Variants in AGPAT3 observed in about 807,000 individuals in gnomAD.
The protein encoded by AGPAT3 is 1-acylglycerol-3-phosphate O-acyltransferase 3.
A neutral mutation model predicts 47.3 loss-of-function variants in AGPAT3; 5 were observed. The observed-to-expected ratio is 0.11, with a 90% CI of 0.06 to 0.22. The LOEUF (loss-of-function observed/expected upper bound fraction) is 0.22, where lower values mean the gene tolerates loss of function less well. Among genes scored for constraint, AGPAT3 ranks in the 10% least tolerant of loss-of-function variants. AGPAT3 has a pLI of 1.00. For synonymous variants in AGPAT3, 212 were observed against 208.3 expected, an observed-to-expected ratio of 1.02 and a Z score of -0.15; for missense variants, 315 against 493.0, an observed-to-expected ratio of 0.64 and a Z score of 3.42.
chr21:43,922,201 T>C lies in AGPAT3; in HGVS notation c.-49+18182T>C, dbSNP rs963903967. Among the ~76,000 whole-genome samples the C allele has an allele frequency of 3.3e-5, 5 of 151,942 alleles. No homozygotes were observed. Among genetic ancestry groups the C allele is most frequent in the Admixed American group, 3.3e-4 (5 of 15,256 alleles). On this transcript the variant is annotated intron_variant, in intron 2 of 9. Transcript: ENST00000291572. The surrounding 1 kb of genome is among the most constrained non-coding windows in gnomAD (Gnocchi z 4.9). ...TTGTGGGGGAGTCGCACAGAGCACG[T>C]GTGTGATGCATTTATCAGGGCCTTT... is the stretch of plus-strand genomic sequence containing the variant.
At chr21:43,945,237 G>T (rs1232661701) in intron 2 of AGPAT3, among the ~76,000 whole-genome samples, 1 of 152,206 alleles carries the variant, frequency 6.6e-6, no homozygotes, top group Non-Finnish European at 1.5e-5. Context: ...CGGGGTCCCA[G>T]GGTCATCCCG....
chr21:43,897,667 C>T, intron 1 of AGPAT3, among the ~76,000 whole-genome samples: 1 of 151,654 alleles, frequency 6.6e-6, no homozygotes, highest in Admixed American at 6.6e-5. Flanking sequence ...GACGGGGCGG[C>T]CGGGCAGAGG....
intron 2 of AGPAT3, among the ~76,000 whole-genome samples, chr21:43,944,896 G>A (rs1334571188): frequency 6.6e-6 from 1 of 152,226 alleles, no homozygotes; most frequent in Non-Finnish European, 1.5e-5. Flanking sequence ...GTGCGGGGGG[G>A]CCACGTGCCC....
At chr21:43,904,790 C>T (rs891238961) in intron 2 of AGPAT3, among the ~76,000 whole-genome samples, 2 of 152,180 alleles carry the variant, frequency 1.3e-5, no homozygotes, top group African/African-American at 4.8e-5. Flanking sequence ...GCCCTGGACC[C>T]TGTGTCCTTC....
rs2087336216 is a variant in AGPAT3, at chr21:43,933,691, G to C, written c.-48-25943G>C. Among the ~76,000 whole-genome samples, 1 of 151,976 alleles carries C rather than the reference G, an allele frequency of 6.6e-6. No individual in the cohort carries two copies. On this transcript the variant is annotated intron_variant, in intron 2 of 9. Transcript: ENST00000291572. The surrounding 1 kb of genome is among the most constrained non-coding windows in gnomAD (Gnocchi z 6.0). ...TCTCGGCATGTAGCAGCAAATGTGG[G>C]AGGGGCAGCACAGGGGAAAGGTGAG...
intron 2 of AGPAT3, among the ~76,000 whole-genome samples, chr21:43,945,100 T>C (rs1474577296): frequency 1.3e-5 from 2 of 152,228 alleles, no homozygotes; most frequent in Non-Finnish European, 2.9e-5. Context: ...TAACAGCACC[T>C]ATGACAAGGT....
rs2030377500 is a variant in AGPAT3 at position 43,987,116 on chromosome 21, A to G, written c.*4724A>G. Among the ~76,000 whole-genome samples the G allele has an allele frequency of 6.6e-6, 1 of 152,202 alleles. No homozygotes were observed. The highest frequency in any genetic ancestry group is 2.4e-5 in the African/African-American group (1 of 41,440). The stretch of plus-strand genomic sequence containing the variant: ...TGCTGCTGTGAAAGACAGGGATAAA[A>G]TATCCACAATATAAGAGAAAGCGAC... On this transcript the variant is annotated 3_prime_UTR_variant, in exon 10 of 10. Transcript: ENST00000291572.
In AGPAT3 at chr21:43,987,356, C is replaced by T. The variant is rs188937887; in HGVS notation, c.*4964C>T. Among the ~76,000 whole-genome samples, 4 of 152,218 alleles carry T rather than the reference C, an allele frequency of 2.6e-5. No individual in the cohort carries two copies. Among genetic ancestry groups the T allele is most frequent in the Non-Finnish European group, 4.4e-5 (3 of 68,012 alleles). On this transcript the variant is annotated 3_prime_UTR_variant, in exon 10 of 10. Coordinates refer to ENST00000291572, the MANE Select transcript of AGPAT3 (RefSeq NM_020132.5). ...TGGGAGGGGAAATTGAAAAGGAGAG[C>T]GGTCACCTGGCAAAAACACAGGGGA...
chr21:43,980,992 G>A lies in AGPAT3; in HGVS notation c.847G>A (p.Ala283Thr), dbSNP rs556642534. Residue 283 changes from alanine (A) to threonine (T), a missense_variant, in exon 9 of 10, where the codon GCG (alanine) becomes ACG (threonine). By Grantham distance (58) the Ala-to-Thr change is moderately conservative (BLOSUM62 0). Coordinates refer to ENST00000291572, the MANE Select transcript of AGPAT3 (RefSeq NM_020132.5). ...WLHKLYQEKD[A>T]LQEIYNQKGM... ...TTTTCTCTGTTGACTCTTCTAGGAC[G>A]CGCTCCAGGAGATATATAATCAGAA... 1.1e-5 allele frequency: 18 copies of A among 1,613,988 alleles called. No individual in the cohort carries two copies. Among genetic ancestry groups the A allele is most frequent in the Admixed American group, 1.7e-5 (1 of 60,018 alleles).
At chr21:43,931,922 C>CGT (rs55978822) in intron 2 of AGPAT3, among the ~76,000 whole-genome samples, 3,675 of 145,638 alleles carry the variant, frequency 0.025, 86 homozygotes, top group East Asian at 0.067. Flanking sequence ...AAGAGGATCT[C>CGT]GTGTGTGTGT....
Position 43,969,953 on chromosome 21 carries a change from C to T in AGPAT3, c.510+674C>T, listed in dbSNP as rs1020634681. 3.3e-5 allele frequency among the ~76,000 whole-genome samples: 5 copies of T among 151,148 alleles called. 1 individual carries two copies. In the South Asian group the frequency reaches 1.0e-3, roughly 32 times the overall value. On this transcript the variant is annotated intron_variant, in intron 5 of 9. Transcript: ENST00000291572. ...ACCTCAGGTGATCCGCCCACCTTGA[C>T]CTCCCAAAGTGCTGGGATTATAGGC...
intron 1 of AGPAT3, among the ~76,000 whole-genome samples, chr21:43,886,661 A>G (rs1384779412): frequency 6.6e-6 from 1 of 152,000 alleles, no homozygotes; most frequent in Non-Finnish European, 1.5e-5. Flanking sequence ...AGTTGTTTTG[A>G]TTTTTACATC....
chr21:43,913,485 C>T (rs1324857297), intron 2 of AGPAT3, among the ~76,000 whole-genome samples: 1 of 152,098 alleles, frequency 6.6e-6, no homozygotes, highest in Admixed American at 6.5e-5. Context: ...ACTTGGGAGG[C>T]TGAGATGGGA....
At chr21:43,904,672 C>G (rs2086445330) in intron 2 of AGPAT3, among the ~76,000 whole-genome samples, 1 of 152,148 alleles carries the variant, frequency 6.6e-6, no homozygotes, top group South Asian at 2.1e-4. Flanking sequence ...TCCTCCTGTG[C>G]TCCTGCAGCC....
intron 8 of AGPAT3, 152 bp from the exon 9 acceptor site, chr21:43,980,837 C>T: frequency 2.8e-6 from 2 of 725,670 alleles, no homozygotes; most frequent in Non-Finnish European, 4.6e-6. Flanking sequence ...CCAGCTTCGC[C>T]TGCACCTGCA....
chr21:43,917,401 C>T (rs771087083), intron 2 of AGPAT3, among the ~76,000 whole-genome samples: 7 of 152,278 alleles, frequency 4.6e-5, no homozygotes, highest in East Asian at 3.9e-4. Flanking sequence ...TGCAGCTTTA[C>T]GCTCCCACTC....
chr21:43,953,195 C>T (rs1569086403), intron 2 of AGPAT3, among the ~76,000 whole-genome samples: 1 of 152,184 alleles, frequency 6.6e-6, no homozygotes, highest in African/African-American at 2.4e-5. Context: ...GGGAGCGTCT[C>T]GGGGAAAGGG....
intron 1 of AGPAT3, among the ~76,000 whole-genome samples, chr21:43,875,913 G>A (rs532764398): frequency 2.6e-5 from 4 of 152,040 alleles, no homozygotes; most frequent in East Asian, 1.9e-4. Flanking sequence ...CAGCCTCTGC[G>A]CTATTAATAT....
Position 43,871,734 on chromosome 21 carries a change from G to A in AGPAT3, c.-112+6389G>A, listed in dbSNP as rs188714283. 3.3e-3 allele frequency among the ~76,000 whole-genome samples: 506 copies of A among 152,258 alleles called. 3 individuals are homozygous for A. The highest frequency in any genetic ancestry group is 0.011 in the African/African-American group (452 of 41,542). On this transcript the variant is annotated intron_variant, in intron 1 of 9. Coordinates refer to ENST00000291572, the MANE Select transcript of AGPAT3 (RefSeq NM_020132.5). ...TGCTTCATCCATTTTTCTTTTGGGTGATGTCTTTTTCTCACCTATTCCTTA... is the reference window on the plus strand; with the variant it reads ...TGCTTCATCCATTTTTCTTTTGGGTAATGTCTTTTTCTCACCTATTCCTTA...
Sources: allele counts gnomAD v4.1 joint callset (sites outside exome capture counted in the v4.1 genomes callset), GRCh38; gene constraint gnomAD v4.1.1; non-coding constraint Gnocchi (gnomAD v3.1); transcripts MANE v1.5; gene names NCBI Gene and HGNC (gene_info 2026-07-23, HGNC 2026-07-21).